The following NEB variants were observed in gnomAD, a reference collection of about 807,000 sequenced individuals.
NEB encodes the protein nemaline myopathy type 2.
Under a neutral mutation model 952.2 loss-of-function variants are expected in NEB, and 512 were observed. The ratio of observed to expected loss-of-function variants is 0.54; its 90% CI spans 0.50 to 0.58. NEB has a LOEUF of 0.58. Ranked by LOEUF, NEB falls within the 20% of genes least tolerant of loss-of-function variation. The pLI is 0.00. For synonymous variants in NEB, 2,900 were observed against 3,149.8 expected, an observed-to-expected ratio of 0.92 and a Z score of 2.66; for missense variants, 8,428 against 9,231.1, an observed-to-expected ratio of 0.91 and a Z score of 3.56.
chr2:151,646,044 A>G, intron 55 of NEB, 86 bp downstream of exon 55: 1 of 964,282 alleles, frequency 1.0e-6, no homozygotes, highest in Admixed American at 2.6e-5. Flanking sequence ...TAATTCAGGG[A>G]TTCAGAGAAC....
At chr2:151,546,277 T>C in intron 134 of NEB, 68 bp downstream of exon 134, 1 of 1,259,552 alleles carries the variant, frequency 7.9e-7, no homozygotes, top group East Asian at 2.3e-5. Context: ...TGCCTAGCCC[T>C]GGAGGCTGGT....
intron 12 of NEB, among the ~76,000 whole-genome samples, chr2:151,708,325 C>T (rs2099726531): frequency 6.6e-6 from 1 of 152,096 alleles, no homozygotes; most frequent in Non-Finnish European, 1.5e-5. Context: ...CTTCAATTTC[C>T]CTCTTTTCAT....
At chr2:151,560,746 G>C (rs757629824) in intron 123 of NEB, 47 bp from the exon 124 acceptor site, 6 of 1,428,742 alleles carry the variant, frequency 4.2e-6, no homozygotes, top group Middle Eastern at 1.7e-4. Flanking sequence ...AATGCATCTG[G>C]TTAGCTTCTG....
rs748088676 is a variant in NEB at position 151,563,664 on chromosome 2, A to G, written c.18635T>C (p.Val6212Ala). 3.7e-6 allele frequency: 6 copies of G among 1,613,838 alleles called. No individual in the cohort carries two copies. The highest frequency in any genetic ancestry group is 5.1e-6 in the Non-Finnish European group (6 of 1,179,784). Residue 6212 changes from valine to alanine, a missense_variant, in exon 119 of 182, where the codon GTG (valine) becomes GCG (alanine). Around this residue, in one of 11 missense-constraint regions of NEB, gnomAD observed 3,374 missense variants for 3,651.5 expected, o/e 0.92. Transcript: ENST00000397345. ...KQKGHYLAGKVIGEFPGVVHC... is the reference protein window; with the variant it reads ...KQKGHYLAGKAIGEFPGVVHC... ...AACCACACCAGGGAATTCACCGATC[A>G]CTTTTCCAGCCAGGTAGTGACCTTT...
At position 151,680,629 on chromosome 2, in the gene NEB, C is replaced by T. The variant is rs1436672331; in HGVS notation, c.3042+101G>A. 4.6e-6 allele frequency: 4 copies of T among 868,382 alleles called. No individual in the cohort carries two copies. The East Asian group carries it at 7.4e-5, about 16-fold the overall frequency. 53.8% of individuals were successfully genotyped at this position (868,382 alleles called of 1,614,324 possible). On this transcript the variant is annotated intron_variant, in intron 30 of 181. Transcript: ENST00000397345. ...TACAGATGCTTGTGTAATTGGGTCT[C>T]TTCATATTGTATAATAACTAGAGGT...
intron 156 of NEB, 51 bp from the exon 157 acceptor site, chr2:151,516,614 C>A: frequency 8.2e-7 from 1 of 1,215,686 alleles, no homozygotes; most frequent in Non-Finnish European, 1.2e-6. Context: ...AATTCCTAGA[C>A]AGCAGTTTAA....
rs1357923263 is a variant in NEB, at chr2:151,493,340, T to A, written c.24765+13A>T. 1 of 1,581,358 alleles carries A rather than the reference T, an allele frequency of 6.3e-7. No homozygotes were observed. ...AAGTTGTTGCACTATTTCTTTTTAG[T>A]CCTAGAAAATACCGAGCTAATGTTT... On this transcript the variant is annotated intron_variant, in intron 176 of 181. Coordinates refer to ENST00000397345, the MANE Select transcript of NEB (RefSeq NM_001164508.2).
intron 130 of NEB, 29 bp from the exon 131 acceptor site, chr2:151,548,444 A>G (rs780344565): frequency 1.3e-5 from 18 of 1,396,820 alleles, no homozygotes; most frequent in African/African-American, 1.1e-4. Context: ...AATGAGATCA[A>G]TGATGGGTAA....
chr2:151,497,113 T>A, intron 171 of NEB, 80 bp from the exon 172 acceptor site: 1 of 1,478,118 alleles, frequency 6.8e-7, no homozygotes, highest in Non-Finnish European at 9.2e-7. Flanking sequence ...TAAGGTCAGC[T>A]TCCTTGTTAA....
chr2:151,494,371 T>C (rs1026880237), intron 173 of NEB, 118 bp from the exon 174 acceptor site: 2 of 698,606 alleles, frequency 2.9e-6, no homozygotes, highest in African/African-American at 3.9e-5. Context: ...TTTGGGCAAT[T>C]AGGTTAGATG....
chr2:151,520,721 G>A (rs2081341757), intron 153 of NEB, among the ~76,000 whole-genome samples: 1 of 151,874 alleles, frequency 6.6e-6, no homozygotes. Context: ...AAAATTAACT[G>A]GGCATTGTGG....
chr2:151,666,996 G>A (rs1320137346), intron 40 of NEB, among the ~76,000 whole-genome samples: 4 of 150,734 alleles, frequency 2.7e-5, no homozygotes, highest in Non-Finnish European at 5.9e-5. Context: ...CTCTATCAAG[G>A]CATTTATTAT....
At chr2:151,669,162 C>T (rs761600076) in intron 38 of NEB, 31 bp from the exon 39 acceptor site, 2 of 1,352,862 alleles carry the variant, frequency 1.5e-6, no homozygotes, top group Admixed American at 2.0e-5. Context: ...ATGCACATAT[C>T]ATTAGCTGAC....
intron 54 of NEB, among the ~76,000 whole-genome samples, chr2:151,649,092 T>C (rs1224010526): frequency 2.6e-5 from 4 of 152,178 alleles, no homozygotes; most frequent in African/African-American, 9.7e-5. Context: ...TCCTGTTTCA[T>C]GGAAAGAAAA....
intron 130 of NEB, among the ~76,000 whole-genome samples, chr2:151,548,892 A>G (rs2095039453): frequency 6.6e-6 from 1 of 152,162 alleles, no homozygotes; most frequent in African/African-American, 2.4e-5. Flanking sequence ...CTTTCTGGCC[A>G]CTAGGTTTGA....
chr2:151,729,048 TGA>T (rs1379645468), intron 4 of NEB, among the ~76,000 whole-genome samples: 1 of 142,132 alleles, frequency 7.0e-6, no homozygotes, highest in African/African-American at 2.5e-5. Context: ...AAATAAAGCA[TGA>T]GAGAGGTATT....
At position 151,643,327 on chromosome 2, in the gene NEB, C is replaced by T; in HGVS notation, c.7983G>A (p.Trp2661Ter). Residue 2661 changes from tryptophan to a stop codon, truncating the protein, a stop_gained, in exon 58 of 182, where the codon TGG becomes TGA. Coordinates refer to ENST00000397345, the MANE Select transcript of NEB (RefSeq NM_001164508.2). LOFTEE classifies it high-confidence loss of function. ...SDNLYKSDLQWLKGIGWMTSG... is the reference protein window; with the variant it reads ...SDNLYKSDLQ ...TAGTCATCCAGCCAATGCCTTTTAG[C>T]CACTGAAGGTCTGACTTGTACAAAT... The T allele has an allele frequency of 6.2e-7, 1 of 1,613,732 alleles. No individual in the cohort carries two copies. The highest frequency in any genetic ancestry group is 8.5e-7 in the Non-Finnish European group (1 of 1,179,784).
intron 146 of NEB, 124 bp downstream of exon 146, chr2:151,529,085 GC>G: frequency 1.4e-6 from 1 of 709,764 alleles, no homozygotes; most frequent in Non-Finnish European, 2.5e-6. Flanking sequence ...TGCTCCTGGG[GC>G]CTGACTCTTG....
intron 70 of NEB, among the ~76,000 whole-genome samples, chr2:151,626,697 C>T (rs764800657): frequency 3.9e-5 from 6 of 152,034 alleles, no homozygotes; most frequent in Non-Finnish European, 8.8e-5. Flanking sequence ...CCACCATGCC[C>T]GGCTAATTTT....
Sources: allele counts gnomAD v4.1 joint callset (sites outside exome capture counted in the v4.1 genomes callset), GRCh38; gene constraint gnomAD v4.1.1; regional missense constraint gnomAD v4.1.1; transcripts MANE v1.5; gene names NCBI Gene and HGNC (gene_info 2026-07-23, HGNC 2026-07-21).